Variants in DPP6 observed in about 807,000 individuals in gnomAD.
DPP6 encodes the protein A-type potassium channel modulatory protein DPP6.
In DPP6, 69 loss-of-function variants were observed where a neutral mutation model predicts 122.6. That is an observed-to-expected ratio of 0.56 (90% CI 0.46 to 0.69). The LOEUF is 0.69. DPP6 is among the 30% of genes least tolerant of loss of function. DPP6 has a pLI of 0.00. For synonymous variants in DPP6, 418 were observed against 433.1 expected, an observed-to-expected ratio of 0.97 and a Z score of 0.43; for missense variants, 928 against 1,116.9, an observed-to-expected ratio of 0.83 and a Z score of 2.41.
intron 1 of DPP6, among the ~76,000 whole-genome samples, chr7:154,147,725 A>G (rs946776352): frequency 1.4e-4 from 21 of 151,404 alleles, no homozygotes; most frequent in African/African-American, 5.1e-4. Flanking sequence ...TATATATTTA[A>G]TAGAGAAAGG....
At chr7:154,527,695 C>T (rs898105965) in intron 3 of DPP6, among the ~76,000 whole-genome samples, 9 of 152,084 alleles carry the variant, frequency 5.9e-5, no homozygotes, top group African/African-American at 2.2e-4. Flanking sequence ...GATATTTATA[C>T]AATCAGGGAT....
At position 154,877,285 on chromosome 7, in the gene DPP6, C is replaced by T. The variant is rs940868189; in HGVS notation, c.2078+1185C>T. 1 of 152,146 alleles carries T rather than the reference C, an allele frequency of 6.6e-6. No homozygotes were observed. Among genetic ancestry groups the T allele is most frequent in the East Asian group, 1.9e-4 (1 of 5,182 alleles). 9.4% of individuals were successfully genotyped at this position (152,146 alleles called of 1,614,324 possible). ...AGACAAAGCAATTGCTTCAGAAACC[C>T]GTGTTGCAGCTGGGAAATACGGAGC... is the stretch of plus-strand genomic sequence containing the variant. On this transcript the variant is annotated intron_variant, in intron 20 of 25. Coordinates refer to ENST00000377770, the MANE Select transcript of DPP6 (RefSeq NM_130797.4). The surrounding 1 kb of genome is among the most constrained non-coding windows in gnomAD (Gnocchi z 5.2).
chr7:153,763,682 G>T, the DPP6 span, among the ~76,000 whole-genome samples: 3 of 152,198 alleles, frequency 2.0e-5, no homozygotes, highest in African/African-American at 7.2e-5. Flanking sequence ...TATAGAGCTG[G>T]ATTTGGGCGT....
At chr7:154,841,353 T>C (rs1004609740) in intron 16 of DPP6, among the ~76,000 whole-genome samples, 54 of 139,312 alleles carry the variant, frequency 3.9e-4, no homozygotes, top group Non-Finnish European at 5.9e-4. Context: ...TTTGCCCCCC[T>C]GTAGCCTTTG....
In DPP6 at chr7:154,290,358, T is replaced by G. The variant is rs77671365; in HGVS notation, c.244-155856T>G. Among the ~76,000 whole-genome samples the G allele has an allele frequency of 3.8e-3, 572 of 152,342 alleles. 5 individuals are homozygous for G. The highest frequency in any genetic ancestry group is 0.014 in the African/African-American group (562 of 41,568). On this transcript the variant is annotated intron_variant, in intron 1 of 25. Transcript: ENST00000377770. Reference sequence around the variant, plus strand: ...TCCAAAAATGTCCTAAACTGGTATCTCGGCCCCAGTCCATCTTCTACGCTC... The same window carrying G: ...TCCAAAAATGTCCTAAACTGGTATCGCGGCCCCAGTCCATCTTCTACGCTC...
chr7:154,688,729 A>G (rs796140940), intron 7 of DPP6, among the ~76,000 whole-genome samples: 6 of 152,150 alleles, frequency 3.9e-5, no homozygotes, highest in Non-Finnish European at 5.9e-5. Context: ...TGCCTTTTTC[A>G]TATTCTCTGG....
chr7:154,870,481 C>G (rs1804294345), intron 18 of DPP6, among the ~76,000 whole-genome samples: 1 of 151,984 alleles, frequency 6.6e-6, no homozygotes, highest in African/African-American at 2.4e-5. Flanking sequence ...TGGCATGTGC[C>G]TGTAGTCCCA....
At chr7:154,787,745 G>T (rs371780353) in intron 10 of DPP6, among the ~76,000 whole-genome samples, 1 of 152,150 alleles carries the variant, frequency 6.6e-6, no homozygotes, top group Admixed American at 6.5e-5. Flanking sequence ...GGTGGGTATG[G>T]TCTCTGCCAT....
chr7:154,581,919 A>G (rs1832099497), intron 5 of DPP6, among the ~76,000 whole-genome samples: 2 of 152,186 alleles, frequency 1.3e-5, no homozygotes, highest in African/African-American at 2.4e-5. Flanking sequence ...ATTTTTGACT[A>G]TTGTCCCTGC....
chr7:154,432,187 T>C (rs1818483208), intron 1 of DPP6, among the ~76,000 whole-genome samples: 1 of 152,220 alleles, frequency 6.6e-6, no homozygotes, highest in African/African-American at 2.4e-5. Flanking sequence ...AAAGCTAGTT[T>C]TAAGTATTTA....
chr7:154,055,800 G>A (rs896036019), intron 1 of DPP6: 3 of 152,238 alleles, frequency 2.0e-5, no homozygotes, highest in Non-Finnish European at 4.4e-5. Context: ...CTTTATCGCT[G>A]TTCTCTGGCT....
At position 154,111,793 on chromosome 7, in the gene DPP6, G is replaced by A. The variant is rs1806601249; in HGVS notation, c.243+58730G>A. ...ATCTGCACACAGTGTCTTGATGGGA[G>A]GATATGACTAACTCTTAGATTGGAA... On this transcript the variant is annotated intron_variant, in intron 1 of 25. Coordinates refer to ENST00000377770, the MANE Select transcript of DPP6 (RefSeq NM_130797.4). 3.3e-5 allele frequency among the ~76,000 whole-genome samples: 5 copies of A among 152,118 alleles called. No homozygotes were observed. The South Asian group carries it at 1.0e-3, about 32-fold the overall frequency.
chr7:153,763,948 T>C, the DPP6 span, among the ~76,000 whole-genome samples: 3 of 152,184 alleles, frequency 2.0e-5, no homozygotes, highest in African/African-American at 7.2e-5. Flanking sequence ...TCTCCACCCT[T>C]TCATGAATTC....
At chr7:154,691,972 C>T (rs1246670003) in intron 7 of DPP6, among the ~76,000 whole-genome samples, 1 of 119,778 alleles carries the variant, frequency 8.3e-6, no homozygotes, top group African/African-American at 3.1e-5. Flanking sequence ...CAACAACACA[C>T]GTTGGGTGGA....
rs546769076 is a variant in DPP6, at chr7:154,169,879, C to T, written c.243+116816C>T. The stretch of plus-strand genomic sequence containing the variant: ...CCAAGTAGCTGAGACTATAGGCACG[C>T]GCTATCATGCCTGGCTAATTTTTTA... On this transcript the variant is annotated intron_variant, in intron 1 of 25. Coordinates refer to ENST00000377770, the MANE Select transcript of DPP6 (RefSeq NM_130797.4). Among the ~76,000 whole-genome samples, 101 of 152,208 alleles carry T rather than the reference C, an allele frequency of 6.6e-4. 1 individual carries two copies. Among genetic ancestry groups the T allele is most frequent in the Non-Finnish European group, 1.1e-3 (75 of 68,010 alleles).
the DPP6 span, among the ~76,000 whole-genome samples, chr7:153,865,408 C>G: frequency 1.3e-5 from 2 of 152,244 alleles, no homozygotes; most frequent in South Asian, 4.1e-4. Context: ...AGACCATAAT[C>G]TTGGCTTTCA....
At chr7:154,020,725 A>T (rs960034865) in intron 1 of DPP6, among the ~76,000 whole-genome samples, 4 of 152,154 alleles carry the variant, frequency 2.6e-5, no homozygotes, top group Non-Finnish European at 5.9e-5. Flanking sequence ...CCCAAAACAG[A>T]TCAGAGACCT....
At chr7:154,265,815 A>G (rs1187354046) in intron 1 of DPP6, among the ~76,000 whole-genome samples, 7 of 152,306 alleles carry the variant, frequency 4.6e-5, no homozygotes, top group African/African-American at 1.7e-4. Context: ...CAAACCTTAG[A>G]CTTTTTCACC....
At chr7:154,864,312 A>T (rs1034393383) in intron 17 of DPP6, among the ~76,000 whole-genome samples, 22 of 152,300 alleles carry the variant, frequency 1.4e-4, no homozygotes, top group African/African-American at 4.6e-4. Flanking sequence ...CTGCCGGGCC[A>T]CTTGGAAGCA....
Sources: gnomAD v4.1 joint callset for allele counts (sites outside exome capture counted in the v4.1 genomes callset) on GRCh38, gnomAD v4.1.1 for gene constraint, Gnocchi (gnomAD v3.1) non-coding constraint, MANE v1.5 for transcripts, NCBI Gene and HGNC (gene_info 2026-07-23, HGNC 2026-07-21) for gene names.